Variants in SYNDIG1 observed in about 807,000 individuals in gnomAD.
SYNDIG1 encodes synapse differentiation-inducing gene protein 1.
A neutral mutation model predicts 19.4 loss-of-function variants in SYNDIG1; 9 were observed. The ratio of observed to expected loss-of-function variants is 0.46; its 90% CI spans 0.28 to 0.81. The LOEUF (loss-of-function observed/expected upper bound fraction) is 0.81, where lower values mean the gene tolerates loss of function less well. Among genes scored for constraint, SYNDIG1 ranks in the 30% least tolerant of loss-of-function variants. The pLI, the probability that SYNDIG1 is intolerant of heterozygous loss-of-function variation, is 0.12. For synonymous variants in SYNDIG1, 141 were observed against 145.9 expected (o/e 0.97, Z 0.24); for missense variants, 311 against 343.3 (o/e 0.91, Z 0.74).
At chr20:24,549,473 TGGGTGTGGTTCA>T (rs1360135434) in intron 2 of SYNDIG1, among the ~76,000 whole-genome samples, 1 of 151,966 alleles carries the variant, frequency 6.6e-6, no homozygotes, top group Admixed American at 6.6e-5. Context: ...GGACGTGGGG[TGGGTGTGGTTCA>T]CCTGTTCTGT....
At chr20:24,628,224 C>T (rs953249439) in intron 3 of SYNDIG1, among the ~76,000 whole-genome samples, 1 of 152,214 alleles carries the variant, frequency 6.6e-6, no homozygotes, top group East Asian at 1.9e-4. Context: ...CGAAAGCTTT[C>T]TGGCACTGCC....
chr20:24,603,255 T>G (rs1326615875), intron 3 of SYNDIG1, among the ~76,000 whole-genome samples: 2 of 152,074 alleles, frequency 1.3e-5, no homozygotes, highest in East Asian at 3.9e-4. Flanking sequence ...TGGGAGAGAT[T>G]GTTCGTGGCT....
chr20:24,474,674 T>C (rs919406860), intron 1 of SYNDIG1, among the ~76,000 whole-genome samples: 12 of 152,202 alleles, frequency 7.9e-5, no homozygotes, highest in African/African-American at 2.9e-4. Flanking sequence ...AGAGAATGAG[T>C]CTGAAGGAGA....
At chr20:24,516,101 T>G (rs935106468) in intron 1 of SYNDIG1, among the ~76,000 whole-genome samples, 2 of 152,244 alleles carry the variant, frequency 1.3e-5, no homozygotes, top group African/African-American at 4.8e-5. Flanking sequence ...GGATTCCCTA[T>G]TTAATAACTG....
chr20:24,500,502 CT>C (rs1455008877), intron 1 of SYNDIG1, among the ~76,000 whole-genome samples: 3 of 142,712 alleles, frequency 2.1e-5, no homozygotes, highest in South Asian at 2.2e-4. Context: ...TTCTTTCTTT[CT>C]TTCTTTCTTT....
intron 3 of SYNDIG1, among the ~76,000 whole-genome samples, chr20:24,645,754 C>T (rs1340989814): frequency 6.6e-6 from 1 of 152,190 alleles, no homozygotes. Context: ...TATGTGGCTA[C>T]CATCTGATTA....
intron 1 of SYNDIG1, among the ~76,000 whole-genome samples, chr20:24,511,712 C>T (rs989534073): frequency 3.9e-5 from 6 of 152,150 alleles, no homozygotes; most frequent in African/African-American, 1.4e-4. Context: ...CCTTGCTTTC[C>T]TATGACCTTA....
At chr20:24,500,499 T>C (rs541565793) in intron 1 of SYNDIG1, among the ~76,000 whole-genome samples, 8 of 121,550 alleles carry the variant, frequency 6.6e-5, no homozygotes, top group Non-Finnish European at 1.5e-4. Context: ...TCTTTCTTTC[T>C]TTCTTTCTTT....
chr20:24,500,287 G>A (rs989721950), intron 1 of SYNDIG1, among the ~76,000 whole-genome samples: 5 of 152,040 alleles, frequency 3.3e-5, no homozygotes, highest in South Asian at 2.1e-4. Context: ...CACAGAAATC[G>A]TTGATAGAAA....
intron 1 of SYNDIG1, among the ~76,000 whole-genome samples, chr20:24,492,198 C>A (rs1328146235): frequency 6.6e-6 from 1 of 152,134 alleles, no homozygotes; most frequent in East Asian, 1.9e-4. Context: ...TTGGAATGTG[C>A]CCCCCACTTT....
intron 2 of SYNDIG1, among the ~76,000 whole-genome samples, chr20:24,553,735 A>C (rs1374818350): frequency 6.6e-6 from 1 of 152,218 alleles, no homozygotes; most frequent in African/African-American, 2.4e-5. Context: ...GTTTGAAGTC[A>C]GGTAGTGTGA....
intron 3 of SYNDIG1, among the ~76,000 whole-genome samples, chr20:24,618,798 A>G (rs575066655): frequency 6.6e-6 from 1 of 151,708 alleles, no homozygotes; most frequent in African/African-American, 2.4e-5. Flanking sequence ...CTTCCCCTCC[A>G]TGTGACTCTT....
intron 1 of SYNDIG1, among the ~76,000 whole-genome samples, chr20:24,528,716 A>G (rs956417566): frequency 6.6e-6 from 1 of 152,176 alleles, no homozygotes; most frequent in Non-Finnish European, 1.5e-5. Flanking sequence ...TAGTTCCCAC[A>G]TATTAATTGC....
intron 3 of SYNDIG1, among the ~76,000 whole-genome samples, chr20:24,617,425 G>A (rs1298609054): frequency 6.6e-6 from 1 of 152,204 alleles, no homozygotes; most frequent in Non-Finnish European, 1.5e-5. Flanking sequence ...ATGGACTTGC[G>A]TGCCTTCCTC....
chr20:24,555,639 T>C (rs1187922581), intron 2 of SYNDIG1, among the ~76,000 whole-genome samples: 1 of 152,220 alleles, frequency 6.6e-6, no homozygotes, highest in Non-Finnish European at 1.5e-5. Flanking sequence ...TAATCCTGAG[T>C]TCTAGTTTGA....
chr20:24,593,579 G>A (rs189969454), intron 3 of SYNDIG1, among the ~76,000 whole-genome samples: 165 of 152,298 alleles, frequency 1.1e-3, no homozygotes, highest in African/African-American at 3.9e-3. Context: ...GAGTCAAATG[G>A]TAATTCTCTT....
intron 3 of SYNDIG1, among the ~76,000 whole-genome samples, chr20:24,661,470 GGAGGGAA>G (rs2147403325): frequency 1.9e-5 from 1 of 52,106 alleles, no homozygotes; most frequent in Non-Finnish European, 4.3e-5. Flanking sequence ...TAGGAAGGAG[GGAGGGAA>G]GAGGGAGGAA....
intron 3 of SYNDIG1, among the ~76,000 whole-genome samples, chr20:24,603,505 G>A (rs114419855): frequency 0.03 from 4,636 of 152,216 alleles, 151 homozygotes; most frequent in African/African-American, 0.083. Context: ...AATGACAGGC[G>A]TGCCCTGAGT....
intron 2 of SYNDIG1, among the ~76,000 whole-genome samples, chr20:24,577,337 T>C (rs1568655876): frequency 6.6e-6 from 1 of 151,926 alleles, no homozygotes; most frequent in Non-Finnish European, 1.5e-5. Context: ...AGGGGTCGGG[T>C]CTTCTACAGC....
Sources: allele counts gnomAD v4.1 joint callset (sites outside exome capture counted in the v4.1 genomes callset), GRCh38; gene constraint gnomAD v4.1.1; transcripts MANE v1.5; gene names NCBI Gene and HGNC (gene_info 2026-07-23, HGNC 2026-07-21).